MARCHF7: variants seen among roughly 807,000 people sequenced by gnomAD.
MARCHF7 encodes E3 ubiquitin-protein ligase MARCHF7.
In MARCHF7, 20 loss-of-function variants were observed where a neutral mutation model predicts 76.5. The observed-to-expected ratio is 0.26, with a 90% CI of 0.18 to 0.38. The LOEUF (loss-of-function observed/expected upper bound fraction) is 0.38. MARCHF7 is among the 10% of genes least tolerant of loss of function. The pLI is 1.00. For missense variants in MARCHF7, 797 were observed against 812.9 expected (o/e 0.98, Z 0.24); for synonymous variants, 295 against 293.0 (o/e 1.01, Z -0.07).
chr2:159,753,443 C>T (rs371778891), intron 8 of MARCHF7, among the ~76,000 whole-genome samples: 27 of 151,944 alleles, frequency 1.8e-4, no homozygotes, highest in South Asian at 1.0e-3. Flanking sequence ...TGGTGGCGGG[C>T]GCCTGTAGTC....
At chr2:159,717,213 G>C (rs1701133984) in intron 3 of MARCHF7, among the ~76,000 whole-genome samples, 1 of 152,156 alleles carries the variant, frequency 6.6e-6, no homozygotes, top group Non-Finnish European at 1.5e-5. Flanking sequence ...AGTCACACAA[G>C]ACTGGGGTGG....
intron 10 of MARCHF7, among the ~76,000 whole-genome samples, chr2:159,764,263 C>CGCGCGCGCG (rs1553788093): frequency 7.0e-6 from 1 of 142,208 alleles, no homozygotes; most frequent in East Asian, 2.1e-4. Flanking sequence ...TGTGCGCGCG[C>CGCGCGCGCG]CCACTGAAAC....
At chr2:159,733,112 T>C in intron 4 of MARCHF7, 1 of 659,870 alleles carries the variant, frequency 1.5e-6, no homozygotes, top group Non-Finnish European at 1.9e-6. Context: ...TATTATTTCC[T>C]GGCTTTACAT....
chr2:159,725,636 G>C (rs1412755531), intron 3 of MARCHF7, among the ~76,000 whole-genome samples: 1 of 152,106 alleles, frequency 6.6e-6, no homozygotes, highest in East Asian at 1.9e-4. Flanking sequence ...AATGTTATTT[G>C]ATCCCTGTGA....
At chr2:159,766,453 T>C (rs770960229) in intron 11 of MARCHF7, among the ~76,000 whole-genome samples, 1 of 152,186 alleles carries the variant, frequency 6.6e-6, no homozygotes, top group Non-Finnish European at 1.5e-5. Context: ...GAGAGGGCAT[T>C]AAACCGTTTT....
intron 10 of MARCHF7, among the ~76,000 whole-genome samples, 170 bp downstream of exon 10, chr2:159,763,163 A>C (rs1335239317): frequency 1.3e-5 from 2 of 152,234 alleles, no homozygotes; most frequent in Admixed American, 1.3e-4. Flanking sequence ...GCTGTCTTCT[A>C]TAACAAGCAG....
At chr2:159,753,700 A>G (rs1463327232) in intron 8 of MARCHF7, among the ~76,000 whole-genome samples, 1 of 152,198 alleles carries the variant, frequency 6.6e-6, no homozygotes, top group Non-Finnish European at 1.5e-5. Flanking sequence ...TGCTTTGTGG[A>G]GAATGGATTT....
At chr2:159,713,162 C>T (rs1244911669) in intron 1 of MARCHF7, among the ~76,000 whole-genome samples, 2 of 152,192 alleles carry the variant, frequency 1.3e-5, no homozygotes, top group African/African-American at 2.4e-5. Context: ...TTTTGAATAT[C>T]GTGACGCCCT....
intron 5 of MARCHF7, among the ~76,000 whole-genome samples, chr2:159,743,974 CTTTTTT>C (rs1170864400): frequency 5.8e-4 from 35 of 60,592 alleles, no homozygotes; most frequent in African/African-American, 1.8e-3. Context: ...AGTAGGAGTT[CTTTTTT>C]TTTTTTTTTT....
chr2:159,744,884 G>C (rs1399836860), intron 5 of MARCHF7, among the ~76,000 whole-genome samples: 3 of 152,104 alleles, frequency 2.0e-5, no homozygotes, highest in Non-Finnish European at 2.9e-5. Flanking sequence ...AAGGAAAGAG[G>C]TTTGAGACTT....
chr2:159,766,456 AC>A (rs1707771664), intron 11 of MARCHF7, among the ~76,000 whole-genome samples: 1 of 152,140 alleles, frequency 6.6e-6, no homozygotes, highest in Non-Finnish European at 1.5e-5. Context: ...AGGGCATTAA[AC>A]CGTTTTGCCC....
intron 1 of MARCHF7, 28 bp downstream of exon 1, chr2:159,712,634 A>T (rs1473187854): frequency 6.6e-6 from 1 of 152,650 alleles, no homozygotes; most frequent in East Asian, 1.9e-4. Context: ...TGGGACGCGC[A>T]CTGGTCGGTG....
intron 4 of MARCHF7, chr2:159,733,819 T>G (rs937185488): frequency 4.3e-6 from 5 of 1,155,900 alleles, no homozygotes; most frequent in African/African-American, 3.2e-5. Context: ...TCTAGAAATA[T>G]AGGTGGTTTC....
At chr2:159,735,967 A>T (rs1218112448) in intron 4 of MARCHF7, among the ~76,000 whole-genome samples, 2 of 152,206 alleles carry the variant, frequency 1.3e-5, no homozygotes, top group African/African-American at 4.8e-5. Flanking sequence ...ATCTCTAAAA[A>T]AATTTCAAAA....
intron 3 of MARCHF7, among the ~76,000 whole-genome samples, chr2:159,716,462 C>T (rs947622083): frequency 1.3e-5 from 2 of 151,894 alleles, no homozygotes; most frequent in African/African-American, 4.8e-5. Flanking sequence ...TCCTGGGCAA[C>T]ATGATGAAAC....
chr2:159,721,708 C>T (rs1701659399), intron 3 of MARCHF7, among the ~76,000 whole-genome samples: 2 of 152,202 alleles, frequency 1.3e-5, no homozygotes, highest in Admixed American at 1.3e-4. Flanking sequence ...TCCCCTTCCT[C>T]AGTCATAGAC....
intron 4 of MARCHF7, chr2:159,733,994 T>A: frequency 7.5e-7 from 1 of 1,328,528 alleles, no homozygotes; most frequent in Non-Finnish European, 9.8e-7. Flanking sequence ...CTGCTACTAA[T>A]CTTGCTGTTA....
chr2:159,737,247 A>G (rs1703567967), intron 4 of MARCHF7, among the ~76,000 whole-genome samples: 1 of 152,248 alleles, frequency 6.6e-6, no homozygotes, highest in South Asian at 2.1e-4. Context: ...ACAGAATGAG[A>G]GAAAATATTT....
rs779931534 is a variant in MARCHF7 at position 159,763,009 on chromosome 2, G to T, written c.2007+16G>T. 3 of 1,555,976 alleles carry T rather than the reference G, an allele frequency of 1.9e-6. No individual in the cohort carries two copies. The South Asian group carries it at 3.4e-5, about 17-fold the overall frequency. ...ACGTGTCCGAGTAAGTAATAATGAAGTTGGGGAGAGGGAGGGTATGATGCA... is the reference window on the plus strand; with the variant it reads ...ACGTGTCCGAGTAAGTAATAATGAATTTGGGGAGAGGGAGGGTATGATGCA... On this transcript the variant is annotated intron_variant, in intron 10 of 11. Transcript: ENST00000409175.
Sources: allele counts gnomAD v4.1 joint callset (sites outside exome capture counted in the v4.1 genomes callset), GRCh38; gene constraint gnomAD v4.1.1; transcripts MANE v1.5; gene names NCBI Gene and HGNC (gene_info 2026-07-23, HGNC 2026-07-21).